PTPRG: variants seen among roughly 807,000 people sequenced by gnomAD.
The protein encoded by PTPRG is receptor-type tyrosine-protein phosphatase gamma.
A neutral mutation model predicts 165.3 loss-of-function variants in PTPRG; 102 were observed. That is an observed-to-expected ratio of 0.62 (90% CI 0.53 to 0.73). The LOEUF is 0.73. Among genes scored for constraint, PTPRG ranks in the 30% least tolerant of loss-of-function variants. The pLI, the probability that PTPRG is intolerant of heterozygous loss-of-function variation, is 0.00. For missense variants in PTPRG, 1,866 were observed against 1,861.4 expected, an observed-to-expected ratio of 1.00 and a Z score of -0.05; for synonymous variants, 675 against 669.5, an observed-to-expected ratio of 1.01 and a Z score of -0.13.
intron 8 of PTPRG, among the ~76,000 whole-genome samples, chr3:62,188,007 C>A (rs1254561617): frequency 3.3e-5 from 5 of 152,116 alleles, no homozygotes; most frequent in African/African-American, 1.2e-4. Flanking sequence ...TACCATCATT[C>A]AAGACAATGA....
intron 2 of PTPRG, among the ~76,000 whole-genome samples, chr3:61,799,605 G>A (rs1029406075): frequency 1.3e-5 from 2 of 152,162 alleles, no homozygotes; most frequent in African/African-American, 4.8e-5. Flanking sequence ...GGGGCTTATA[G>A]GTTTTGGGGT....
intron 2 of PTPRG, among the ~76,000 whole-genome samples, chr3:61,864,785 A>G (rs902475337): frequency 6.6e-6 from 1 of 152,144 alleles, no homozygotes; most frequent in Non-Finnish European, 1.5e-5. Flanking sequence ...ATATGCTGAG[A>G]AGGAGGCATG....
At chr3:62,033,486 C>T (rs563961104) in intron 4 of PTPRG, among the ~76,000 whole-genome samples, 2 of 151,308 alleles carry the variant, frequency 1.3e-5, no homozygotes, top group East Asian at 2.0e-4. Context: ...ACCTAAGCCT[C>T]GCAAGTAGCT....
chr3:61,721,700 A>T (rs573673810), intron 1 of PTPRG, among the ~76,000 whole-genome samples: 2 of 152,266 alleles, frequency 1.3e-5, no homozygotes, highest in South Asian at 4.2e-4. Flanking sequence ...CATAGAGGTC[A>T]TCCCCTGGCT....
At chr3:61,776,077 T>G (rs528540143) in intron 2 of PTPRG, among the ~76,000 whole-genome samples, 29 of 106,454 alleles carry the variant, frequency 2.7e-4, no homozygotes, top group South Asian at 2.5e-3. Context: ...TAAAGTATAA[T>G]AATAATAAAA....
chr3:61,898,082 C>G (rs2107514646), intron 2 of PTPRG, among the ~76,000 whole-genome samples: 1 of 152,260 alleles, frequency 6.6e-6, no homozygotes, highest in East Asian at 1.9e-4. Flanking sequence ...ACTTTCAGTG[C>G]TGTGTTGAAT....
At chr3:62,204,642 G>C (rs963727557) in intron 12 of PTPRG, among the ~76,000 whole-genome samples, 1 of 152,234 alleles carries the variant, frequency 6.6e-6, no homozygotes, top group Non-Finnish European at 1.5e-5. Context: ...TGGAGAAGTG[G>C]CTTGTTCATG....
chr3:62,242,884 CTG>C (rs1053867749), intron 14 of PTPRG, among the ~76,000 whole-genome samples: 4 of 152,260 alleles, frequency 2.6e-5, no homozygotes, highest in Non-Finnish European at 4.4e-5. Context: ...CCCAGTGACA[CTG>C]TGCACCAGAA....
At chr3:61,762,893 A>AACC (rs1328341223) in intron 2 of PTPRG, among the ~76,000 whole-genome samples, 1 of 152,058 alleles carries the variant, frequency 6.6e-6, no homozygotes, top group Non-Finnish European at 1.5e-5. Context: ...CTTAGTGGGT[A>AACC]GGCTTGGTCC....
At chr3:61,832,104 C>T (rs2036312786) in intron 2 of PTPRG, among the ~76,000 whole-genome samples, 2 of 152,102 alleles carry the variant, frequency 1.3e-5, no homozygotes, top group Admixed American at 6.6e-5. Context: ...TAAGTGTAAT[C>T]ATGTTGTTCA....
chr3:61,824,120 T>C (rs1304287377), intron 2 of PTPRG, among the ~76,000 whole-genome samples: 1 of 151,324 alleles, frequency 6.6e-6, no homozygotes, highest in African/African-American at 2.4e-5. Context: ...AGAGCGAGAC[T>C]CCGTCTCAAA....
In PTPRG at chr3:61,705,223, G is replaced by A. The variant is rs567522544; in HGVS notation, c.86-43655G>A. The stretch of plus-strand genomic sequence containing the variant: ...TGAGAGTTGAAATTAAGTTAGTGAA[G>A]ATGCCTGCGCTGGGTGTGAGGAACA... On this transcript the variant is annotated intron_variant, in intron 1 of 29. Coordinates refer to ENST00000474889, the MANE Select transcript of PTPRG (RefSeq NM_002841.4). Among the ~76,000 whole-genome samples the A allele has an allele frequency of 2.0e-5, 3 of 152,356 alleles. No homozygotes were observed. In the South Asian group the frequency reaches 6.2e-4, roughly 32 times the overall value.
At chr3:61,724,123 C>G (rs564177664) in intron 1 of PTPRG, among the ~76,000 whole-genome samples, 7 of 149,512 alleles carry the variant, frequency 4.7e-5, no homozygotes, top group African/African-American at 1.5e-4. Flanking sequence ...ACCCCAGCTA[C>G]TTGGGAGGCT....
intron 2 of PTPRG, among the ~76,000 whole-genome samples, chr3:61,834,730 T>C (rs1046245335): frequency 2.0e-5 from 3 of 152,156 alleles, no homozygotes; most frequent in East Asian, 3.9e-4. Context: ...GGAGAATTGC[T>C]TTAACCCAGG....
chr3:61,857,555 T>A (rs908277768), intron 2 of PTPRG, among the ~76,000 whole-genome samples: 7 of 152,180 alleles, frequency 4.6e-5, no homozygotes, highest in African/African-American at 1.7e-4. Context: ...TGAGTGTGAC[T>A]CGATAATTAT....
Position 62,143,956 on chromosome 3 carries a change from C to T in PTPRG, c.682+11288C>T, listed in dbSNP as rs535835179. ...CAGGGAAAACACAGAGAAAAGAAGGCGTGCCTGGTATGTGTTCAGTGCCCT... is the reference window on the plus strand; with the variant it reads ...CAGGGAAAACACAGAGAAAAGAAGGTGTGCCTGGTATGTGTTCAGTGCCCT... On this transcript the variant is annotated intron_variant, in intron 6 of 29. Transcript: ENST00000474889. 1.5e-3 allele frequency among the ~76,000 whole-genome samples: 221 copies of T among 152,298 alleles called. 2 individuals are homozygous for T. Among genetic ancestry groups the T allele is most frequent in the African/African-American group, 5.1e-3 (212 of 41,560 alleles).
chr3:62,131,120 A>G (rs552696122), intron 5 of PTPRG, among the ~76,000 whole-genome samples: 1 of 152,182 alleles, frequency 6.6e-6, no homozygotes, highest in Non-Finnish European at 1.5e-5. Flanking sequence ...CAACCTCTGC[A>G]CCACTGACAT....
intron 5 of PTPRG, among the ~76,000 whole-genome samples, chr3:62,103,547 C>T (rs1359584144): frequency 3.9e-5 from 6 of 152,218 alleles, no homozygotes; most frequent in Admixed American, 3.3e-4. Context: ...ACATAATTAT[C>T]TTCTAGTTTG....
At chr3:61,889,157 A>G (rs1208498837) in intron 2 of PTPRG, among the ~76,000 whole-genome samples, 2 of 152,176 alleles carry the variant, frequency 1.3e-5, no homozygotes, top group Non-Finnish European at 2.9e-5. Context: ...ATATACTTTG[A>G]TAATTGTTGC....
Sources: allele counts gnomAD v4.1 joint callset (sites outside exome capture counted in the v4.1 genomes callset), GRCh38; gene constraint gnomAD v4.1.1; transcripts MANE v1.5; gene names NCBI Gene and HGNC (gene_info 2026-07-23, HGNC 2026-07-21).